The following DAB1 variants were observed in gnomAD, a reference collection of about 807,000 sequenced individuals.
DAB1 encodes the protein DAB adaptor protein 1, also known as disabled homolog 1.
DAB1 carries 15 observed loss-of-function variants against 64.6 expected under a neutral mutation model. The ratio of observed to expected loss-of-function variants is 0.23; its 90% CI spans 0.16 to 0.36. The LOEUF is 0.36. DAB1 is among the 10% of genes least tolerant of loss of function. The pLI is 1.00. For synonymous variants in DAB1, 235 were observed against 251.9 expected, an observed-to-expected ratio of 0.93 and a Z score of 0.64; for missense variants, 596 against 706.7, an observed-to-expected ratio of 0.84 and a Z score of 1.78.
rs933429397 is a variant in DAB1, at chr1:57,176,780, C to A, written c.68-31351G>T. 4.6e-5 allele frequency among the ~76,000 whole-genome samples: 7 copies of A among 151,902 alleles called. No homozygotes were observed. The South Asian group carries it at 1.5e-3, about 32-fold the overall frequency. On this transcript the variant is annotated intron_variant, in intron 2 of 14. Coordinates refer to ENST00000371236, the MANE Select transcript of DAB1 (RefSeq NM_001365792.1). ...AAACTCACCTGGAGAAGAGAGGAGACCTTCTGGGGGCAAACATCTCCAAGT... is the reference window on the plus strand; with the variant it reads ...AAACTCACCTGGAGAAGAGAGGAGAACTTCTGGGGGCAAACATCTCCAAGT...
chr1:58,071,365 T>A (rs1322965878), intron 5 of DAB1, among the ~76,000 whole-genome samples: 1 of 49,818 alleles, frequency 2.0e-5, no homozygotes, highest in African/African-American at 4.9e-5. Flanking sequence ...AGGAGAATGG[T>A]GTGTGTGTGT....
chr1:58,504,348 C>G (rs1261702304), intron 3 of DAB1, among the ~76,000 whole-genome samples: 2 of 152,174 alleles, frequency 1.3e-5, no homozygotes, highest in Non-Finnish European at 2.9e-5. Context: ...TTCTCTGCAT[C>G]AGCTGCTTCC....
chr1:57,951,607 G>C (rs1006055557), intron 5 of DAB1, among the ~76,000 whole-genome samples: 2 of 151,990 alleles, frequency 1.3e-5, no homozygotes, highest in African/African-American at 4.8e-5. Flanking sequence ...CAGAGTATTA[G>C]TTTCCTCCTC....
intron 2 of DAB1, among the ~76,000 whole-genome samples, chr1:57,245,356 T>C (rs532278742): frequency 1.3e-5 from 2 of 152,268 alleles, no homozygotes; most frequent in Non-Finnish European, 1.5e-5. Flanking sequence ...TAGGTATACA[T>C]GTGCATTGTT....
chr1:58,090,397 T>C (rs146222784), intron 5 of DAB1, among the ~76,000 whole-genome samples: 23 of 152,324 alleles, frequency 1.5e-4, no homozygotes, highest in Non-Finnish European at 3.1e-4. Flanking sequence ...AGTCAGACTC[T>C]TGGTCGCAAG....
chr1:57,698,450 T>C (rs1646871605), intron 6 of DAB1, among the ~76,000 whole-genome samples: 1 of 152,170 alleles, frequency 6.6e-6, no homozygotes, highest in East Asian at 1.9e-4. Context: ...ACTAATGCTT[T>C]CTGCTCCTTG....
intron 3 of DAB1, among the ~76,000 whole-genome samples, chr1:58,482,966 T>C (rs1367852236): frequency 6.6e-6 from 1 of 152,198 alleles, no homozygotes; most frequent in East Asian, 1.9e-4. Flanking sequence ...GAGGCCCAGA[T>C]ACCATGTCTC....
intron 5 of DAB1, among the ~76,000 whole-genome samples, chr1:58,070,759 G>A (rs929801550): frequency 6.6e-6 from 1 of 152,190 alleles, no homozygotes; most frequent in African/African-American, 2.4e-5. Context: ...AGGCCCAGAA[G>A]CAGGACAGGA....
At chr1:57,137,253 A>G (rs1658207702) in intron 3 of DAB1, among the ~76,000 whole-genome samples, 1 of 152,200 alleles carries the variant, frequency 6.6e-6, no homozygotes, top group Non-Finnish European at 1.5e-5. Context: ...TTATCAAAAA[A>G]ACTGTTTCCT....
chr1:58,470,139 TA>T (rs1441009670), intron 3 of DAB1, among the ~76,000 whole-genome samples: 4 of 149,250 alleles, frequency 2.7e-5, no homozygotes, highest in South Asian at 2.1e-4. Context: ...TTTATTTATT[TA>T]TTTATTTATT....
intron 3 of DAB1, among the ~76,000 whole-genome samples, chr1:58,353,711 T>C (rs11207203): frequency 0.037 from 5,639 of 152,226 alleles, 339 homozygotes; most frequent in African/African-American, 0.13. Flanking sequence ...TTCTTCTTTA[T>C]TCATCAAAAA....
chr1:57,223,341 T>TGCTTTGGTCCACA (rs1667025649), intron 2 of DAB1, among the ~76,000 whole-genome samples: 1 of 152,168 alleles, frequency 6.6e-6, no homozygotes, highest in Non-Finnish European at 1.5e-5. Flanking sequence ...GCAATGGGAA[T>TGCTTTGGTCCACA]GCTTTGGTCC....
At chr1:57,041,472 G>A (rs1487143971) in intron 9 of DAB1, among the ~76,000 whole-genome samples, 1 of 152,192 alleles carries the variant, frequency 6.6e-6, no homozygotes, top group Non-Finnish European at 1.5e-5. Context: ...CAAGTTCATT[G>A]TGGCTGTGCT....
chr1:57,351,173 G>C (rs1182960458), intron 1 of DAB1, among the ~76,000 whole-genome samples: 1 of 152,138 alleles, frequency 6.6e-6, no homozygotes, highest in Admixed American at 6.5e-5. Flanking sequence ...TCAAAAACTA[G>C]GGAGTGACAG....
chr1:57,766,952 G>A (rs1315018772), intron 6 of DAB1, among the ~76,000 whole-genome samples: 1 of 152,144 alleles, frequency 6.6e-6, no homozygotes. Flanking sequence ...ATACAACTTA[G>A]GAACTGCCAA....
chr1:58,358,692 C>A (rs1644133672), intron 3 of DAB1, among the ~76,000 whole-genome samples: 2 of 152,296 alleles, frequency 1.3e-5, no homozygotes, highest in African/African-American at 2.4e-5. Flanking sequence ...AGCCTCCCAA[C>A]TGAGAACTGT....
intron 4 of DAB1, among the ~76,000 whole-genome samples, chr1:58,305,300 A>G (rs934265042): frequency 6.6e-6 from 1 of 152,174 alleles, no homozygotes; most frequent in African/African-American, 2.4e-5. Flanking sequence ...AGAGGAGAAA[A>G]TATCTCCCAG....
intron 3 of DAB1, among the ~76,000 whole-genome samples, chr1:58,449,752 G>T (rs1168250799): frequency 1.3e-5 from 2 of 152,022 alleles, no homozygotes; most frequent in Non-Finnish European, 2.9e-5. Context: ...AAGCCAGGCG[G>T]CTGTTTCCTT....
chr1:57,842,385 C>A (rs1030826765), intron 1 of DAB1, among the ~76,000 whole-genome samples: 1 of 152,186 alleles, frequency 6.6e-6, no homozygotes, highest in Non-Finnish European at 1.5e-5. Flanking sequence ...GTTGCAACCT[C>A]TGTCCGTTAC....
Sources: gnomAD v4.1 joint callset for allele counts (sites outside exome capture counted in the v4.1 genomes callset) on GRCh38, gnomAD v4.1.1 for gene constraint, MANE v1.5 for transcripts, NCBI Gene and HGNC (gene_info 2026-07-23, HGNC 2026-07-21) for gene names.